Variants in TMC5 observed in about 807,000 individuals in gnomAD.
TMC5 encodes the protein transmembrane channel like 5.
Under a neutral mutation model 110.5 loss-of-function variants are expected in TMC5, and 86 were observed. The ratio of observed to expected loss-of-function variants is 0.78; its 90% CI spans 0.65 to 0.93. TMC5 has a LOEUF of 0.93. Ranked by LOEUF, TMC5 falls within the 40% of genes least tolerant of loss-of-function variation. The pLI is 0.00. For missense variants in TMC5, 1,144 were observed against 1,222.8 expected (o/e 0.94, Z 0.96); for synonymous variants, 455 against 439.5 (o/e 1.04, Z -0.44).
chr16:19,458,152 C>A (rs752242625), intron 5 of TMC5, among the ~76,000 whole-genome samples: 3 of 152,218 alleles, frequency 2.0e-5, no homozygotes, highest in East Asian at 1.9e-4. Flanking sequence ...TTAGCTGAGA[C>A]CTTCCAGCCT....
rs750838547 is a variant in TMC5, at chr16:19,436,273, G to GAAAAAAA, written c.-79-3682_-79-3676dup. 1.1e-3 allele frequency among the ~76,000 whole-genome samples: 116 copies of GAAAAAAA among 107,578 alleles called. 5 individuals carry two copies. Among genetic ancestry groups the GAAAAAAA allele is most frequent in the Non-Finnish European group, 1.2e-3 (67 of 57,334 alleles). The allele number at this position is 107,578 out of a possible 152,430, so 70.6% of individuals were successfully genotyped here. On this transcript the variant is annotated intron_variant, in intron 2 of 21. Transcript: ENST00000542583. Reference sequence around the variant, plus strand: ...AAAGAGCAAAAGTTCGTCTCAAAAAGAAAAAAAAAAAGAAAGGAAAAAGAA... The same window carrying GAAAAAAA: ...AAAGAGCAAAAGTTCGTCTCAAAAAGAAAAAAAAAAAAAAAAAAGAAAGGAAAAAGAA...
chr16:19,469,761 A>C lies in TMC5; in HGVS notation c.1718A>C (p.Asp573Ala), dbSNP rs1334633717. ...ATCACCAAGCTGATCTTTTGCTGGG[A>C]CTTCACTGTCACTCATGAAAAAGCT... ...GGITKLIFCW[D>A]FTVTHEKAVK... The change falls in exon 10 of 22, where the codon GAC becomes GCC. Residue 573 changes from aspartate (D) to alanine (A), a missense_variant. By Grantham distance (126) the Asp-to-Ala change is moderately radical (BLOSUM62 -2). Transcript: ENST00000542583. 1.9e-6 allele frequency: 3 copies of C among 1,614,178 alleles called. No individual in the cohort carries two copies. The South Asian group carries it at 3.3e-5, about 18-fold the overall frequency.
upstream of TMC5, among the ~76,000 whole-genome samples, chr16:19,413,353 G>A (rs560223984): frequency 1.3e-5 from 2 of 151,702 alleles, no homozygotes; most frequent in South Asian, 2.1e-4. Context: ...GCAAGACCTC[G>A]TCTCTACTAA....
At chr16:19,422,020 G>A (rs1464679920) in intron 1 of TMC5, among the ~76,000 whole-genome samples, 1 of 152,110 alleles carries the variant, frequency 6.6e-6, no homozygotes, top group South Asian at 2.1e-4. Context: ...CACGAGGTCA[G>A]GAGATCAAGA....
intron 21 of TMC5, among the ~76,000 whole-genome samples, 198 bp downstream of exon 21, chr16:19,497,361 G>A (rs764119475): frequency 2.6e-5 from 4 of 152,168 alleles, no homozygotes; most frequent in East Asian, 1.9e-4. Context: ...ACCAGAACCC[G>A]GTTTCTTTCA....
At position 19,434,407 on chromosome 16, in the gene TMC5, A is replaced by G. The variant is rs796138247; in HGVS notation, c.-80+3767A>G. Among the ~76,000 whole-genome samples the G allele has an allele frequency of 1.1e-4, 14 of 130,688 alleles. 1 individual carries two copies. The East Asian group carries it at 3.0e-3, about 28-fold the overall frequency. 85.7% of individuals were successfully genotyped at this position (130,688 alleles called of 152,430 possible). A position where few individuals can be genotyped will look rare whatever the true frequency, so the allele number is the denominator to read the frequency against. On this transcript the variant is annotated intron_variant, in intron 2 of 21. Coordinates refer to ENST00000542583, the MANE Select transcript of TMC5 (RefSeq NM_001261841.2). ...ATAATATAGATATAATATATATATC[A>G]TATATATCTATATATAATATGTATA... is the stretch of plus-strand genomic sequence containing the variant.
intron 2 of TMC5, among the ~76,000 whole-genome samples, chr16:19,430,881 A>C (rs1967181608): frequency 9.7e-6 from 1 of 102,778 alleles, no homozygotes; most frequent in African/African-American, 3.7e-5. Flanking sequence ...TTTTTTTGAG[A>C]CTGAATCTCG....
At chr16:19,456,389 T>C in intron 5 of TMC5, 1 of 924,840 alleles carries the variant, frequency 1.1e-6, no homozygotes, top group Non-Finnish European at 1.3e-6. Context: ...TCCTTCTGTT[T>C]CTAGAATCCC....
chr16:19,497,074 C>G, intron 20 of TMC5, 47 bp from the exon 21 acceptor site: 2 of 1,608,078 alleles, frequency 1.2e-6, no homozygotes, highest in South Asian at 2.2e-5. Context: ...GACCCAGAAT[C>G]TGCATTCTTC....
chr16:19,449,665 C>T, intron 5 of TMC5, 34 bp downstream of exon 5: 2 of 1,568,924 alleles, frequency 1.3e-6, no homozygotes, highest in Non-Finnish European at 1.8e-6. Context: ...TGTCCCCACC[C>T]AACTCTCATT....
chr16:19,471,922 G>A (rs1306032015), intron 10 of TMC5, among the ~76,000 whole-genome samples, 166 bp from the exon 11 acceptor site: 7 of 152,114 alleles, frequency 4.6e-5, no homozygotes, highest in East Asian at 3.9e-4. Flanking sequence ...CACCACGCCC[G>A]GCTAATTTTT....
In TMC5 at chr16:19,440,458, C is replaced by T. The variant is rs757136424; in HGVS notation, c.420C>T (p.Ser140=). Residue 140 remains serine, a synonymous_variant, in exon 3 of 22, where the codon TCC becomes TCT. Transcript: ENST00000542583. ...AACGAAATCCTGATTTTGCAGGCTC[C>T]AGCAGCAGTGGAAACTATGCAGGCT... is the stretch of plus-strand genomic sequence containing the variant. ...GSQRNPDFAG[S]SSSGNYAGSR... 1 of 1,614,074 alleles carries T rather than the reference C, an allele frequency of 6.2e-7. No homozygotes were observed. Among genetic ancestry groups the T allele is most frequent in the Non-Finnish European group, 8.5e-7 (1 of 1,180,026 alleles).
intron 12 of TMC5, among the ~76,000 whole-genome samples, chr16:19,475,101 G>A (rs978741657): frequency 2.6e-5 from 4 of 152,122 alleles, no homozygotes; most frequent in Non-Finnish European, 4.4e-5. Flanking sequence ...TCCCTTACTC[G>A]TTCCTGGTTA....
intron 2 of TMC5, among the ~76,000 whole-genome samples, chr16:19,436,737 A>G (rs1457154111): frequency 3.3e-5 from 5 of 152,208 alleles, no homozygotes; most frequent in African/African-American, 9.6e-5. Context: ...GGCTGGATTC[A>G]GGTGTTTAAA....
intron 19 of TMC5, among the ~76,000 whole-genome samples, chr16:19,493,073 T>C (rs1349949130): frequency 1.3e-5 from 2 of 151,440 alleles, no homozygotes; most frequent in African/African-American, 2.4e-5. Context: ...GCAATTCTTC[T>C]GCCTCAGCTT....
intron 2 of TMC5, among the ~76,000 whole-genome samples, chr16:19,434,299 TG>T (rs1364781403): frequency 1.1e-5 from 1 of 94,378 alleles, no homozygotes; most frequent in South Asian, 3.5e-4. Context: ...ATATATTATA[TG>T]ATCTATATTA....
At chr16:19,453,599 A>G (rs989045688) in intron 5 of TMC5, among the ~76,000 whole-genome samples, 1 of 151,458 alleles carries the variant, frequency 6.6e-6, no homozygotes, top group African/African-American at 2.4e-5. Flanking sequence ...AAAAAAAAAA[A>G]AAAGAAGAAA....
rs769255282 is a variant in TMC5, at chr16:19,474,189, A to G, written c.2003A>G (p.Asn668Ser). 4.3e-6 allele frequency: 7 copies of G among 1,613,876 alleles called. No individual in the cohort carries two copies. In the African/African-American group the frequency reaches 9.3e-5, roughly 22 times the overall value. The change falls in exon 12 of 22, where the codon AAT becomes AGT. Residue 668 changes from asparagine to serine, a missense_variant. Physicochemically the swap from Asn to Ser is conservative, Grantham distance 46 (BLOSUM62 1). Transcript: ENST00000542583. ...CTGCCTTTCGTTGTGTCCTGCATTA[A>G]TCTGGCCGTGCCATGCATCTACTCC... is the stretch of plus-strand genomic sequence containing the variant. Reference protein sequence around the residue: ...LLLPFVVSCINLAVPCIYSMF... With the variant: ...LLLPFVVSCISLAVPCIYSMF...
chr16:19,444,421 A>G (rs1967567404), intron 4 of TMC5, among the ~76,000 whole-genome samples, 171 bp downstream of exon 4: 1 of 152,166 alleles, frequency 6.6e-6, no homozygotes, highest in Non-Finnish European at 1.5e-5. Context: ...AGAGAAGCCA[A>G]GTTAATTGTC....
Sources: gnomAD v4.1 joint callset for allele counts (sites outside exome capture counted in the v4.1 genomes callset) on GRCh38, gnomAD v4.1.1 for gene constraint, MANE v1.5 for transcripts, NCBI Gene and HGNC (gene_info 2026-07-23, HGNC 2026-07-21) for gene names.